KNL1: variants seen among roughly 807,000 people sequenced by gnomAD.
KNL1 encodes the protein outer kinetochore KNL1 complex subunit KNL1.
KNL1 carries 66 observed loss-of-function variants against 201.3 expected under a neutral mutation model. That is an observed-to-expected ratio of 0.33 (90% CI 0.27 to 0.40). The LOEUF (loss-of-function observed/expected upper bound fraction) is 0.40. Ranked by LOEUF, KNL1 falls within the 10% of genes least tolerant of loss-of-function variation. KNL1 has a pLI of 1.00. For missense variants in KNL1, 2,815 were observed against 2,690.5 expected (o/e 1.05, Z -1.02); for synonymous variants, 895 against 899.2 (o/e 1.00, Z 0.08).
In KNL1 at chr15:40,600,598, A is replaced by G. The variant is rs950963916; in HGVS notation, c.-17-2317A>G. On this transcript the variant is annotated intron_variant, in intron 1 of 25. Coordinates refer to ENST00000399668, the MANE Select transcript of KNL1 (RefSeq NM_144508.5). Reference sequence around the variant, plus strand: ...GAGGCAGGTGGATCGAAGCACATCAAATATCTTTCAGGTACCTGTTTACTT... The same window carrying G: ...GAGGCAGGTGGATCGAAGCACATCAGATATCTTTCAGGTACCTGTTTACTT... Among the ~76,000 whole-genome samples the G allele has an allele frequency of 2.8e-4, 42 of 152,332 alleles. 1 individual carries two copies. The highest frequency in any genetic ancestry group is 2.2e-3 in the Admixed American group (33 of 15,288).
Position 40,620,661 on chromosome 15 carries a change from C to T in KNL1, c.397C>T (p.Arg133Cys), listed in dbSNP as rs200801468. Residue 133 changes from arginine to cysteine, a missense_variant, in exon 10 of 26, where the codon CGT (arginine) becomes TGT (cysteine). Arg to Cys is a radical substitution (Grantham distance 180, BLOSUM62 -3). Around this residue, in one of 3 missense-constraint regions of KNL1, gnomAD observed 2,464 missense variants for 2,291.7 expected, o/e 1.08. Coordinates refer to ENST00000399668, the MANE Select transcript of KNL1 (RefSeq NM_144508.5). ...ATAGTTTTCAATTATAGAACATACC[C>T]GTGAAAGGAAACATGCAAATGACCA... Reference protein sequence around the residue: ...QKEFSIIEHTRERKHANDQTV... With the variant: ...QKEFSIIEHTCERKHANDQTV... 1.5e-5 allele frequency: 24 copies of T among 1,585,186 alleles called. No individual in the cohort carries two copies. The highest frequency in any genetic ancestry group is 1.3e-4 in the East Asian group (6 of 44,702).
At chr15:40,603,321 A>G (rs547658544) in intron 2 of KNL1, among the ~76,000 whole-genome samples, 1 of 152,258 alleles carries the variant, frequency 6.6e-6, no homozygotes, top group Non-Finnish European at 1.5e-5. Flanking sequence ...TCCACCTACG[A>G]GTGAGAACAT....
At chr15:40,599,728 C>G (rs1002523885) in intron 1 of KNL1, among the ~76,000 whole-genome samples, 1 of 151,118 alleles carries the variant, frequency 6.6e-6, no homozygotes, top group African/African-American at 2.4e-5. Context: ...TGATTTTTAC[C>G]TTTTAATCTG....
chr15:40,623,408 A>G lies in KNL1; in HGVS notation c.3144A>G (p.Val1048=), dbSNP rs755708237. ...CCACTTGCAAAAACATCAAAGATGT[A>G]CAAAGTCCTGGATTTCTGAATGAAC... ...KSATCKNIKD[V]QSPGFLNEPL... Residue 1048 remains valine (V), a synonymous_variant, in exon 10 of 26, where the codon GTA becomes GTG. Transcript: ENST00000399668. 109 of 1,613,892 alleles carry G rather than the reference A, an allele frequency of 6.8e-5. No homozygotes were observed. Among genetic ancestry groups the G allele is most frequent in the Non-Finnish European group, 8.9e-5 (105 of 1,179,926 alleles).
chr15:40,616,125 CTTTT>C (rs34211041), intron 8 of KNL1, among the ~76,000 whole-genome samples: 1 of 133,428 alleles, frequency 7.5e-6, no homozygotes, highest in African/African-American at 2.8e-5. Context: ...ACTATTACTT[CTTTT>C]TTTTTTTTTT....
chr15:40,646,948 A>G (rs778968055), intron 16 of KNL1, 39 bp from the exon 17 acceptor site: 2 of 822,454 alleles, frequency 2.4e-6, no homozygotes, highest in East Asian at 2.6e-5. Context: ...TATTTTCTTT[A>G]GAGGTTTAAC....
At chr15:40,652,401 C>CGA (rs1893592024) in intron 21 of KNL1, among the ~76,000 whole-genome samples, 1 of 151,198 alleles carries the variant, frequency 6.6e-6, no homozygotes, top group Admixed American at 6.6e-5. Flanking sequence ...TCTTTCTTTT[C>CGA]ATCTCCATCT....
rs1892672268 is a variant in KNL1, at chr15:40,624,559, T to G, written c.4295T>G (p.Val1432Gly). ...AAGCTTCCAAAGGATCAAATGAAAGTCTATGTTGATGACATTTATGTTATT... is the reference window on the plus strand; with the variant it reads ...AAGCTTCCAAAGGATCAAATGAAAGGCTATGTTGATGACATTTATGTTATT... ...SFKLPKDQMK[V>G]YVDDIYVIPQ... The change falls in exon 10 of 26, where the codon GTC becomes GGC. Residue 1432 changes from valine to glycine, a missense_variant. Val to Gly is a moderately radical substitution (Grantham distance 109). This residue lies in a region of KNL1 where 2,464 missense variants were observed against 2,291.7 expected (regional missense o/e 1.08). Transcript: ENST00000399668. The G allele has an allele frequency of 6.2e-7, 1 of 1,613,774 alleles. No individual in the cohort carries two copies. Among genetic ancestry groups the G allele is most frequent in the Non-Finnish European group, 8.5e-7 (1 of 1,179,872 alleles).
intron 21 of KNL1, among the ~76,000 whole-genome samples, chr15:40,652,440 T>A (rs956362579): frequency 3.3e-5 from 5 of 149,532 alleles, no homozygotes; most frequent in African/African-American, 1.2e-4. Flanking sequence ...GAATTTACCC[T>A]AATGGCTGGA....
At chr15:40,648,363 T>G (rs1893457091) in intron 17 of KNL1, among the ~76,000 whole-genome samples, 1 of 151,984 alleles carries the variant, frequency 6.6e-6, no homozygotes, top group African/African-American at 2.4e-5. Context: ...GCCCAGGAGG[T>G]CAAGACTACA....
chr15:40,609,951 A>G (rs1310067372), intron 5 of KNL1, among the ~76,000 whole-genome samples: 1 of 152,228 alleles, frequency 6.6e-6, no homozygotes, highest in East Asian at 1.9e-4. Flanking sequence ...AAGTGGGATG[A>G]TCACTTTAAC....
At position 40,621,145 on chromosome 15, in the gene KNL1, T is replaced by G; in HGVS notation, c.881T>G (p.Leu294Trp). ...TGTCATACAGCCAATATTCAGACAT[T>G]GATTCCCACATCCAGTGAGACCAAC... is the stretch of plus-strand genomic sequence containing the variant. ...TQCHTANIQTLIPTSSETNSR... is the reference protein window; with the variant it reads ...TQCHTANIQTWIPTSSETNSR... The change falls in exon 10 of 26, where the codon TTG (leucine) becomes TGG (tryptophan). Residue 294 changes from leucine to tryptophan, a missense_variant. Coordinates refer to ENST00000399668, the MANE Select transcript of KNL1 (RefSeq NM_144508.5). 3.1e-6 allele frequency: 5 copies of G among 1,613,900 alleles called. No individual in the cohort carries two copies. The highest frequency in any genetic ancestry group is 4.2e-6 in the Non-Finnish European group (5 of 1,179,918).
At chr15:40,651,393 A>C in intron 19 of KNL1, 78 bp from the exon 20 acceptor site, 2 of 882,740 alleles carry the variant, frequency 2.3e-6, no homozygotes, top group Non-Finnish European at 3.4e-6. Context: ...GTGACTTCTT[A>C]TCATAAACCT....
At chr15:40,659,501 C>A (rs777202076) in intron 25 of KNL1, 40 bp downstream of exon 25, 3 of 1,538,728 alleles carry the variant, frequency 1.9e-6, no homozygotes, top group Admixed American at 3.8e-5. Context: ...TGGGCTACTT[C>A]TTTTTTTTTG....
chr15:40,639,541 C>T (rs188405722), intron 13 of KNL1, among the ~76,000 whole-genome samples: 265 of 146,942 alleles, frequency 1.8e-3, no homozygotes, highest in Admixed American at 4.2e-3. Context: ...GCTGAGATCA[C>T]GCCACTTCAC....
chr15:40,637,417 G>A (rs28829693), intron 13 of KNL1, among the ~76,000 whole-genome samples: 1 of 148,560 alleles, frequency 6.7e-6, no homozygotes, highest in African/African-American at 2.5e-5. Context: ...TTAGGAAATA[G>A]ATAATGTCTG....
At chr15:40,652,160 C>G (rs1300904328) in intron 21 of KNL1, 55 bp downstream of exon 21, 1 of 1,148,392 alleles carries the variant, frequency 8.7e-7, no homozygotes, top group African/African-American at 1.5e-5. Flanking sequence ...GCTACACTCA[C>G]TAAAGATTCA....
chr15:40,643,722 G>A (rs1487187724), intron 14 of KNL1, among the ~76,000 whole-genome samples: 2 of 152,198 alleles, frequency 1.3e-5, no homozygotes, highest in Non-Finnish European at 2.9e-5. Flanking sequence ...TTCTTTATAA[G>A]CGAAATGTTT....
Position 40,645,550 on chromosome 15 carries a change from G to C in KNL1, c.5890-106G>C, listed in dbSNP as rs1372690085. On this transcript the variant is annotated intron_variant, in intron 15 of 25. Coordinates refer to ENST00000399668, the MANE Select transcript of KNL1 (RefSeq NM_144508.5). The stretch of plus-strand genomic sequence containing the variant: ...ATTACATGGAATTAAATTTGCAAAT[G>C]ACAAATATCCTGCCTTAGGATAGGC... 1.9e-5 allele frequency: 10 copies of C among 529,400 alleles called. No homozygotes were observed. In the Admixed American group the frequency reaches 2.7e-4, roughly 14 times the overall value. 32.8% of individuals were successfully genotyped at this position (529,400 alleles called of 1,614,324 possible). A position where few individuals can be genotyped will look rare whatever the true frequency, so the allele number is the denominator to read the frequency against.
Sources: gnomAD v4.1 joint callset for allele counts (sites outside exome capture counted in the v4.1 genomes callset) on GRCh38, gnomAD v4.1.1 for gene constraint, gnomAD v4.1.1 regional missense constraint, MANE v1.5 for transcripts, NCBI Gene and HGNC (gene_info 2026-07-23, HGNC 2026-07-21) for gene names.